The following INPP4A variants were observed in gnomAD, a reference collection of about 807,000 sequenced individuals.
INPP4A encodes the protein inositol polyphosphate-4-phosphatase, type I, 107kD.
INPP4A carries 33 observed loss-of-function variants against 119.8 expected under a neutral mutation model. The observed-to-expected ratio is 0.28, with a 90% confidence interval of 0.21 to 0.37. The LOEUF is 0.37. INPP4A is among the 10% of genes least tolerant of loss of function. The probability of loss-of-function intolerance (pLI) is 1.00; values close to 1 mark genes in which losing one functional copy is unlikely to be tolerated. For synonymous variants in INPP4A, 496 were observed against 500.7 expected (o/e 0.99, Z 0.12); for missense variants, 956 against 1,289.9 (o/e 0.74, Z 3.97).
chr2:98,470,862 T>C (rs1675869184), intron 1 of INPP4A, among the ~76,000 whole-genome samples: 2 of 152,060 alleles, frequency 1.3e-5, no homozygotes, highest in South Asian at 4.1e-4. Context: ...GAGACGGGGT[T>C]TCACCATGTT....
At chr2:98,558,803 C>CT (rs1449989781) in intron 16 of INPP4A, among the ~76,000 whole-genome samples, 2 of 152,190 alleles carry the variant, frequency 1.3e-5, no homozygotes, top group African/African-American at 4.8e-5. Context: ...CCCAGTGTGA[C>CT]TTAGTATAGG....
In INPP4A at chr2:98,570,282, G is replaced by A. The variant is rs532600958; in HGVS notation, c.2518+1614G>A. Among the ~76,000 whole-genome samples the A allele has an allele frequency of 3.3e-5, 5 of 152,354 alleles. No homozygotes were observed. Among genetic ancestry groups the A allele is most frequent in the Admixed American group, 2.0e-4 (3 of 15,304 alleles). ...GGTTGAGGCCACTGAGTGACAAGAC[G>A]AGAAGGGGCTGGAACAGCATCTGGA... is the stretch of plus-strand genomic sequence containing the variant. On this transcript the variant is annotated intron_variant, in intron 22 of 24. Transcript: ENST00000409851. The surrounding 1 kb of genome is among the most constrained non-coding windows in gnomAD (Gnocchi z 4.3).
At chr2:98,575,662 G>A (rs1698297233) in intron 23 of INPP4A, among the ~76,000 whole-genome samples, 1 of 151,996 alleles carries the variant, frequency 6.6e-6, no homozygotes, top group African/African-American at 2.4e-5. Flanking sequence ...TACCATGTTC[G>A]TGTCTAGTGA....
At chr2:98,533,291 G>C (rs761274822) in intron 4 of INPP4A, 86 bp from the exon 5 acceptor site, 1 of 790,428 alleles carries the variant, frequency 1.3e-6, no homozygotes. Context: ...TTTACTCTTT[G>C]TGCTTTCTTT....
chr2:98,581,733 G>A (rs376368233), intron 24 of INPP4A: 2 of 1,609,668 alleles, frequency 1.2e-6, no homozygotes, highest in Non-Finnish European at 1.7e-6. Context: ...AGCATACCTG[G>A]TGACCAAATT....
chr2:98,484,451 G>A (rs1261667161), intron 1 of INPP4A, among the ~76,000 whole-genome samples: 3 of 152,146 alleles, frequency 2.0e-5, no homozygotes, highest in Admixed American at 6.5e-5. Flanking sequence ...CCAGAATGCA[G>A]TCACGTGACT....
At chr2:98,521,980 G>C (rs552361601) in intron 4 of INPP4A, among the ~76,000 whole-genome samples, 1 of 152,050 alleles carries the variant, frequency 6.6e-6, no homozygotes, top group African/African-American at 2.4e-5. Context: ...ATTGCAGAAA[G>C]TTTTAAAGAA....
chr2:98,477,200 G>A (rs370575282), intron 1 of INPP4A, among the ~76,000 whole-genome samples: 1 of 152,216 alleles, frequency 6.6e-6, no homozygotes, highest in African/African-American at 2.4e-5. Flanking sequence ...GACGTGTAGC[G>A]TGGCGGGTGA....
At chr2:98,574,940 T>G (rs1698166064) in intron 23 of INPP4A, among the ~76,000 whole-genome samples, 1 of 151,918 alleles carries the variant, frequency 6.6e-6, no homozygotes, top group Admixed American at 6.6e-5. Context: ...CAAGCATGAG[T>G]GTAGAGGTGC....
chr2:98,549,920 C>A (rs1693193993), intron 13 of INPP4A, among the ~76,000 whole-genome samples: 1 of 152,134 alleles, frequency 6.6e-6, no homozygotes, highest in African/African-American at 2.4e-5. Flanking sequence ...TCAGCCTCCC[C>A]TCCCTGCCTT....
intron 24 of INPP4A, among the ~76,000 whole-genome samples, chr2:98,586,178 A>G (rs953569020): frequency 2.0e-5 from 3 of 152,216 alleles, no homozygotes; most frequent in African/African-American, 7.2e-5. Context: ...AGCATATCCA[A>G]GTTACCAAAT....
chr2:98,517,167 G>C (rs1398432995), intron 1 of INPP4A, among the ~76,000 whole-genome samples: 1 of 152,156 alleles, frequency 6.6e-6, no homozygotes, highest in Non-Finnish European at 1.5e-5. Context: ...GCCTGTGCTT[G>C]AACTTCGTAT....
At chr2:98,563,112 C>T (rs1166829112) in intron 17 of INPP4A, among the ~76,000 whole-genome samples, 3 of 152,152 alleles carry the variant, frequency 2.0e-5, no homozygotes, top group African/African-American at 7.2e-5. Context: ...AGATGGGCCT[C>T]TGGGGACAGA....
intron 4 of INPP4A, among the ~76,000 whole-genome samples, chr2:98,527,858 A>G (rs1382007904): frequency 6.6e-6 from 1 of 152,240 alleles, no homozygotes; most frequent in Non-Finnish European, 1.5e-5. Context: ...AGATCAGAAA[A>G]GGCACTGAAG....
intron 16 of INPP4A, among the ~76,000 whole-genome samples, chr2:98,556,401 G>A (rs1000921100): frequency 1.3e-5 from 2 of 152,198 alleles, no homozygotes. Flanking sequence ...GACCCTTCAG[G>A]GTAGGACACT....
chr2:98,460,622 C>T (rs1696980397), intron 1 of INPP4A, among the ~76,000 whole-genome samples: 1 of 152,184 alleles, frequency 6.6e-6, no homozygotes, highest in African/African-American at 2.4e-5. Context: ...AATGCCTGTG[C>T]TCTAACCACC....
intron 10 of INPP4A, among the ~76,000 whole-genome samples, chr2:98,540,683 C>T (rs1328876744): frequency 2.6e-5 from 4 of 152,332 alleles, no homozygotes; most frequent in Non-Finnish European, 4.4e-5. Flanking sequence ...ACAGCAAGAG[C>T]GCTCTTGAGA....
chr2:98,556,962 G>A (rs776853145), intron 16 of INPP4A, among the ~76,000 whole-genome samples: 14 of 152,034 alleles, frequency 9.2e-5, no homozygotes, highest in South Asian at 6.2e-4. Context: ...TATGTGAATC[G>A]TGTTCCTTTT....
At chr2:98,455,025 A>T (rs1294822874) in intron 1 of INPP4A, among the ~76,000 whole-genome samples, 3 of 152,170 alleles carry the variant, frequency 2.0e-5, no homozygotes, top group African/African-American at 4.8e-5. Context: ...AATGTTTTAA[A>T]ATAGGGCTAG....
Sources: allele counts gnomAD v4.1 joint callset (sites outside exome capture counted in the v4.1 genomes callset), GRCh38; gene constraint gnomAD v4.1.1; non-coding constraint Gnocchi (gnomAD v3.1); transcripts MANE v1.5; gene names NCBI Gene and HGNC (gene_info 2026-07-23, HGNC 2026-07-21).